Variants in CCDC18 observed in about 807,000 individuals in gnomAD.
CCDC18 encodes coiled-coil domain-containing protein 18.
In CCDC18, 157 loss-of-function variants were observed where a neutral mutation model predicts 196.0. That is an observed-to-expected ratio of 0.80 (90% confidence interval 0.70 to 0.91). The LOEUF is 0.91. CCDC18 is among the 40% of genes least tolerant of loss of function. The probability of loss-of-function intolerance (pLI) is 0.00; values close to 1 mark genes in which losing one functional copy is unlikely to be tolerated. For synonymous variants in CCDC18, 482 were observed against 529.2 expected (o/e 0.91, Z 1.22); for missense variants, 1,465 against 1,611.6 (o/e 0.91, Z 1.56).
chr1:93,267,505 C>T (rs11804639), intron 27 of CCDC18, among the ~76,000 whole-genome samples: 13,547 of 152,060 alleles, frequency 0.089, 1,980 homozygotes, highest in African/African-American at 0.31. Context: ...TCAAACTGTC[C>T]CTGTTTGCAG....
chr1:93,185,599 ATG>A (rs1413407600), intron 3 of CCDC18, among the ~76,000 whole-genome samples: 1 of 152,016 alleles, frequency 6.6e-6, no homozygotes, highest in Non-Finnish European at 1.5e-5. Flanking sequence ...AAGGTGCAGA[ATG>A]TTATATTTAA....
chr1:93,186,877 C>T (rs550990449), intron 4 of CCDC18, among the ~76,000 whole-genome samples: 12 of 151,812 alleles, frequency 7.9e-5, no homozygotes, highest in Non-Finnish European at 1.6e-4. Context: ...CCAGAGTTTC[C>T]ACCTAGAAAC....
rs1468927909 is a variant in CCDC18 at position 93,256,398 on chromosome 1, G to A, written c.3406G>A (p.Glu1136Lys). Reference sequence around the variant, plus strand: ...CAAGGAGGCCATAGATTTGGGGCAAGAATTGAGGCTGACCCGGGAGCAGGT... The same window carrying A: ...CAAGGAGGCCATAGATTTGGGGCAAAAATTGAGGCTGACCCGGGAGCAGGT... Reference protein sequence around the residue: ...QYKEAIDLGQELRLTREQVQN... With the variant: ...QYKEAIDLGQKLRLTREQVQN... Residue 1136 changes from glutamate to lysine, a missense_variant, in exon 25 of 29, where the codon GAA becomes AAA. Coordinates refer to ENST00000690025, the MANE Select transcript of CCDC18 (RefSeq NM_001378204.1). The A allele has an allele frequency of 2.5e-6, 4 of 1,614,094 alleles. No individual in the cohort carries two copies. Among genetic ancestry groups the A allele is most frequent in the Non-Finnish European group, 3.4e-6 (4 of 1,179,994 alleles).
At chr1:93,198,653 A>C (rs1470310772) in intron 6 of CCDC18, among the ~76,000 whole-genome samples, 1 of 151,770 alleles carries the variant, frequency 6.6e-6, no homozygotes, top group East Asian at 1.9e-4. Context: ...TATAGTCTTA[A>C]TTTTTTTTTA....
chr1:93,265,429 A>T (rs1272190388), intron 27 of CCDC18, among the ~76,000 whole-genome samples: 1 of 152,224 alleles, frequency 6.6e-6, no homozygotes, highest in Non-Finnish European at 1.5e-5. Flanking sequence ...AGTGTACTAT[A>T]TTTAATTGTA....
rs1369529327 is a variant in CCDC18 at position 93,239,377 on chromosome 1, C to T, written c.2671C>T (p.Leu891=). ...LSKMEKEIMH[L]KRDGENKAMH... Reference sequence around the variant, plus strand: ...TAAAATGGAAAAGGAAATAATGCACCTAAAACGAGATGGAGAAAATAAAGC... The same window carrying T: ...TAAAATGGAAAAGGAAATAATGCACTTAAAACGAGATGGAGAAAATAAAGC... Residue 891 remains leucine (L), a synonymous_variant, in exon 20 of 29, where the codon CTA becomes TTA. Coordinates refer to ENST00000690025, the MANE Select transcript of CCDC18 (RefSeq NM_001378204.1). The T allele has an allele frequency of 3.7e-6, 6 of 1,613,050 alleles. No homozygotes were observed. Among genetic ancestry groups the T allele is most frequent in the Middle Eastern group, 1.7e-4 (1 of 6,058 alleles).
intron 17 of CCDC18, among the ~76,000 whole-genome samples, chr1:93,229,409 C>T (rs1389888432): frequency 6.6e-6 from 1 of 152,188 alleles, no homozygotes; most frequent in Non-Finnish European, 1.5e-5. Flanking sequence ...ATATAATTAA[C>T]ACCTTGTAAC....
intron 6 of CCDC18, among the ~76,000 whole-genome samples, chr1:93,199,592 G>C (rs1343195303): frequency 6.6e-6 from 1 of 152,238 alleles, no homozygotes; most frequent in Non-Finnish European, 1.5e-5. Context: ...TGAGCAGGGG[G>C]CGTGTTTCAG....
intron 2 of CCDC18, 75 bp from the exon 3 acceptor site, chr1:93,183,903 T>G: frequency 2.1e-6 from 2 of 934,544 alleles, no homozygotes; most frequent in Non-Finnish European, 3.0e-6. Flanking sequence ...TTTTCTATTT[T>G]CTTATTTAAT....
intron 26 of CCDC18, among the ~76,000 whole-genome samples, chr1:93,262,529 T>C (rs1663943029): frequency 6.6e-6 from 1 of 152,188 alleles, no homozygotes; most frequent in South Asian, 2.1e-4. Flanking sequence ...AGCTCCAAAA[T>C]AATCTCCTTT....
At chr1:93,211,814 T>G (rs147639349) in intron 10 of CCDC18, among the ~76,000 whole-genome samples, 240 of 152,314 alleles carry the variant, frequency 1.6e-3, no homozygotes, top group Middle Eastern at 6.8e-3. Flanking sequence ...CATGTTTTCT[T>G]ATACATATAT....
At chr1:93,276,788 G>C (rs1364865875) in intron 28 of CCDC18, among the ~76,000 whole-genome samples, 1 of 151,958 alleles carries the variant, frequency 6.6e-6, no homozygotes, top group Non-Finnish European at 1.5e-5. Flanking sequence ...ATTGTGTAGG[G>C]GTGGGTTGCC....
intron 21 of CCDC18, among the ~76,000 whole-genome samples, chr1:93,241,738 A>T (rs1377223180): frequency 1.3e-5 from 2 of 151,626 alleles, no homozygotes; most frequent in East Asian, 3.9e-4. Context: ...AAAAAAAAAA[A>T]AAAAAAAATA....
intron 7 of CCDC18, 28 bp from the exon 8 acceptor site, chr1:93,205,482 A>T: frequency 1.3e-6 from 2 of 1,557,974 alleles, no homozygotes; most frequent in Non-Finnish European, 1.7e-6. Flanking sequence ...CAACCACATT[A>T]GTATGTCCAC....
At chr1:93,182,584 TAATAA>T (rs1330918805) in intron 1 of CCDC18, among the ~76,000 whole-genome samples, 1 of 152,226 alleles carries the variant, frequency 6.6e-6, no homozygotes, top group African/African-American at 2.4e-5. Context: ...TTAATTACAA[TAATAA>T]AATGTGATGC....
At chr1:93,210,987 C>G in intron 10 of CCDC18, 61 bp downstream of exon 10, 2 of 1,535,794 alleles carry the variant, frequency 1.3e-6, no homozygotes, top group Non-Finnish European at 1.8e-6. Flanking sequence ...TAATTAAGAC[C>G]CTTAATTGGC....
At chr1:93,210,068 T>A (rs1655350926) in intron 9 of CCDC18, among the ~76,000 whole-genome samples, 1 of 152,014 alleles carries the variant, frequency 6.6e-6, no homozygotes, top group South Asian at 2.1e-4. Context: ...CAAAAAAGAA[T>A]CATTTGAGAT....
intron 21 of CCDC18, among the ~76,000 whole-genome samples, chr1:93,241,723 CAAAAAAA>C (rs35810581): frequency 6.0e-4 from 36 of 59,922 alleles, no homozygotes; most frequent in South Asian, 4.2e-3. Context: ...GACTCCATCT[CAAAAAAA>C]AAAAAAAAAA....
chr1:93,186,030 CAAAAGTTTT>C (rs1460252250), intron 3 of CCDC18, among the ~76,000 whole-genome samples: 3 of 151,834 alleles, frequency 2.0e-5, no homozygotes, highest in African/African-American at 7.2e-5. Context: ...TGAAAAAGTA[CAAAAGTTTT>C]TATCAGGTTT....
Sources: gnomAD v4.1 joint callset for allele counts (sites outside exome capture counted in the v4.1 genomes callset) on GRCh38, gnomAD v4.1.1 for gene constraint, MANE v1.5 for transcripts, NCBI Gene and HGNC (gene_info 2026-07-23, HGNC 2026-07-21) for gene names.